Variants in OR1J2 observed in about 807,000 individuals in gnomAD.
OR1J2 encodes olfactory receptor family 1 subfamily J member 2, also known as olfactory receptor 1J2.
For synonymous variants in OR1J2, 142 were observed against 99.7 expected (o/e 1.42, Z -2.52); for missense variants, 304 against 246.1 (o/e 1.24, Z -1.57).
chr9:122,479,551 A>G, the OR1J2 span, among the ~76,000 whole-genome samples: 1 of 152,238 alleles, frequency 6.6e-6, no homozygotes, highest in East Asian at 1.9e-4. Context: ...AAAACATTTA[A>G]TAGTGTAATT....
the OR1J2 span, among the ~76,000 whole-genome samples, chr9:122,479,129 G>C: frequency 2.0e-5 from 3 of 152,072 alleles, no homozygotes; most frequent in African/African-American, 7.2e-5. Context: ...ATTCCTCCAG[G>C]CTCAACCACA....
rs975244248 is a variant in OR1J2, at chr9:122,511,171, G to A, written c.370G>A (p.Val124Ile). Residue 124 changes from valine (V) to isoleucine (I), a missense_variant, in exon 1 of 1, where the codon GTT (valine) becomes ATT (isoleucine). Coordinates refer to ENST00000335302, the MANE Select transcript of OR1J2 (RefSeq NM_054107.1). ...TACATCAATGGCATATGACCGATAT[G>A]TTGCCATATGTCACCCTCTCCACTA... ...LITSMAYDRYVAICHPLHYTV... is the reference protein window; with the variant it reads ...LITSMAYDRYIAICHPLHYTV... 2.8e-6 allele frequency: 2 copies of A among 718,554 alleles called. No homozygotes were observed. Among genetic ancestry groups the A allele is most frequent in the Non-Finnish European group, 2.5e-6 (1 of 393,418 alleles). 44.5% of individuals were successfully genotyped at this position (718,554 alleles called of 1,614,324 possible). A position where few individuals can be genotyped will look rare whatever the true frequency, so the allele number is the denominator to read the frequency against.
the OR1J2 span, among the ~76,000 whole-genome samples, chr9:122,578,021 T>A: frequency 6.6e-6 from 1 of 152,316 alleles, no homozygotes; most frequent in East Asian, 1.9e-4. Flanking sequence ...AGGAAAACAC[T>A]TTTACACTGC....
the OR1J2 span, among the ~76,000 whole-genome samples, chr9:122,502,309 A>G: frequency 6.6e-6 from 1 of 152,284 alleles, no homozygotes; most frequent in South Asian, 2.1e-4. Context: ...TTTCTTTAAA[A>G]AAAAATCACC....
chr9:122,468,976 A>G, the OR1J2 span, among the ~76,000 whole-genome samples: 11 of 152,210 alleles, frequency 7.2e-5, no homozygotes, highest in Non-Finnish European at 1.3e-4. Context: ...ATTCCTGTGG[A>G]CAATGCTGAG....
the OR1J2 span, among the ~76,000 whole-genome samples, chr9:122,531,021 A>G: frequency 3.3e-5 from 5 of 152,184 alleles, no homozygotes; most frequent in Admixed American, 1.3e-4. Flanking sequence ...GTCTTCTTAT[A>G]TTAATAAGAA....
the OR1J2 span, among the ~76,000 whole-genome samples, chr9:122,534,647 C>A: frequency 6.6e-6 from 1 of 151,952 alleles, no homozygotes; most frequent in Non-Finnish European, 1.5e-5. Flanking sequence ...TAATTGGGAC[C>A]TAGCTCGGCC....
chr9:122,573,093 G>A, the OR1J2 span, among the ~76,000 whole-genome samples: 1 of 152,314 alleles, frequency 6.6e-6, no homozygotes. Context: ...TTTGATTGTG[G>A]AAGCCCAGTG....
chr9:122,480,136 A>G, the OR1J2 span, among the ~76,000 whole-genome samples: 1 of 152,222 alleles, frequency 6.6e-6, no homozygotes, highest in Non-Finnish European at 1.5e-5. Context: ...GATTCACTAT[A>G]ACATATCACA....
At chr9:122,569,058 A>G in the OR1J2 span, among the ~76,000 whole-genome samples, 2,714 of 152,162 alleles carry the variant, frequency 0.018, 73 homozygotes, top group African/African-American at 0.061. Context: ...ATTGTCTTGA[A>G]AAAAACTAAT....
At chr9:122,480,628 C>T in the OR1J2 span, among the ~76,000 whole-genome samples, 1 of 150,610 alleles carries the variant, frequency 6.6e-6, no homozygotes, top group Admixed American at 6.6e-5. Context: ...AATGTATTTG[C>T]TTCTTTTTTT....
downstream of OR1J2, among the ~76,000 whole-genome samples, chr9:122,511,917 G>A (rs1828645429): frequency 6.6e-6 from 1 of 152,108 alleles, no homozygotes; most frequent in Non-Finnish European, 1.5e-5. Flanking sequence ...TATTAACAAT[G>A]TTATTCTTTA....
upstream of OR1J2, among the ~76,000 whole-genome samples, chr9:122,510,384 T>C (rs1464790497): frequency 6.6e-6 from 1 of 152,208 alleles, no homozygotes; most frequent in Non-Finnish European, 1.5e-5. Context: ...CAAGAAATAC[T>C]GACTCTCAGT....
the OR1J2 span, among the ~76,000 whole-genome samples, chr9:122,453,268 T>A: frequency 6.6e-6 from 1 of 152,166 alleles, no homozygotes; most frequent in Non-Finnish European, 1.5e-5. Context: ...TTTACAGCCA[T>A]GCAAGAATGG....
chr9:122,526,512 G>A, the OR1J2 span: 4 of 1,593,838 alleles, frequency 2.5e-6, no homozygotes, highest in Middle Eastern at 1.7e-4. Flanking sequence ...GGCAATGGAG[G>A]GAGGACACAG....
chr9:122,495,701 A>G, the OR1J2 span, among the ~76,000 whole-genome samples: 2 of 152,016 alleles, frequency 1.3e-5, no homozygotes, highest in Non-Finnish European at 1.5e-5. Context: ...CAGAGATTTC[A>G]TCTTGGTTTG....
chr9:122,474,107 G>A, the OR1J2 span, among the ~76,000 whole-genome samples: 1 of 152,098 alleles, frequency 6.6e-6, no homozygotes, highest in Non-Finnish European at 1.5e-5. Flanking sequence ...TTAGTTGGTT[G>A]CCTTTGTTCA....
chr9:122,526,286 A>G, the OR1J2 span: 1 of 862,136 alleles, frequency 1.2e-6, no homozygotes, highest in African/African-American at 1.7e-5. Context: ...AGTGTGTGGT[A>G]GACCCCAAAA....
chr9:122,453,099 T>C, the OR1J2 span, among the ~76,000 whole-genome samples: 3 of 151,460 alleles, frequency 2.0e-5, no homozygotes, highest in Non-Finnish European at 4.4e-5. Flanking sequence ...GCCCTTTTCA[T>C]GTGACCTGCC....
Sources: gnomAD v4.1 joint callset for allele counts (sites outside exome capture counted in the v4.1 genomes callset) on GRCh38, gnomAD v4.1.1 for gene constraint, MANE v1.5 for transcripts, NCBI Gene and HGNC (gene_info 2026-07-23, HGNC 2026-07-21) for gene names.